The following PTPRT variants were observed in gnomAD, a reference collection of about 807,000 sequenced individuals.
PTPRT encodes protein tyrosine phosphatase receptor type T.
In PTPRT, 56 loss-of-function variants were observed where a neutral mutation model predicts 176.8. The ratio of observed to expected loss-of-function variants is 0.32; its 90% CI spans 0.26 to 0.40. The LOEUF is 0.40. Among genes scored for constraint, PTPRT ranks in the 10% least tolerant of loss-of-function variants. PTPRT has a pLI of 1.00. For synonymous variants in PTPRT, 783 were observed against 739.0 expected, an observed-to-expected ratio of 1.06 and a Z score of -0.96; for missense variants, 1,540 against 1,908.2, an observed-to-expected ratio of 0.81 and a Z score of 3.60.
intron 13 of PTPRT, chr20:42,270,533 G>A (rs1026269095): frequency 1.3e-5 from 17 of 1,308,674 alleles, no homozygotes; most frequent in African/African-American, 4.4e-5. Flanking sequence ...CGTGCAGCAC[G>A]GTGAACAAAA....
At chr20:42,693,696 T>G (rs530547008) in intron 6 of PTPRT, among the ~76,000 whole-genome samples, 1 of 152,294 alleles carries the variant, frequency 6.6e-6, no homozygotes, top group East Asian at 1.9e-4. Flanking sequence ...TACTTTATAC[T>G]ATAAACAAAG....
intron 7 of PTPRT, among the ~76,000 whole-genome samples, chr20:42,502,204 A>G (rs1198637569): frequency 6.6e-6 from 1 of 152,078 alleles, no homozygotes; most frequent in Non-Finnish European, 1.5e-5. Context: ...TTTAATAGGA[A>G]TCATTTCATA....
At chr20:43,179,235 C>T (rs2015190936) in intron 1 of PTPRT, among the ~76,000 whole-genome samples, 1 of 152,172 alleles carries the variant, frequency 6.6e-6, no homozygotes, top group Non-Finnish European at 1.5e-5. Flanking sequence ...GCCACAACAA[C>T]CAAAACCAAG....
chr20:42,789,026 C>A (rs924069063), intron 3 of PTPRT, among the ~76,000 whole-genome samples: 1 of 152,174 alleles, frequency 6.6e-6, no homozygotes, highest in Non-Finnish European at 1.5e-5. Flanking sequence ...AAAACTGATA[C>A]CCAATTCACT....
At chr20:42,192,585 G>T (rs1991043307) in intron 16 of PTPRT, among the ~76,000 whole-genome samples, 1 of 152,150 alleles carries the variant, frequency 6.6e-6, no homozygotes, top group African/African-American at 2.4e-5. Flanking sequence ...ACCTCTTAAG[G>T]TGACTGTGTG....
intron 7 of PTPRT, among the ~76,000 whole-genome samples, chr20:42,554,769 G>A (rs2072831222): frequency 6.6e-6 from 1 of 152,112 alleles, no homozygotes; most frequent in Non-Finnish European, 1.5e-5. Context: ...GGTCAAATTT[G>A]TGCTCAAGTG....
intron 9 of PTPRT, among the ~76,000 whole-genome samples, chr20:42,421,264 GCACACACACACACGCATGCACACA>G (rs1393740986): frequency 8.5e-6 from 1 of 117,636 alleles, no homozygotes; most frequent in Non-Finnish European, 1.7e-5. Context: ...ACGCACGCAC[GCACACACACACACGCATGCACACA>G]CACACACACT....
At position 42,600,949 on chromosome 20, in the gene PTPRT, T is replaced by C. The variant is rs142863823; in HGVS notation, c.1153+76917A>G. On this transcript the variant is annotated intron_variant, in intron 7 of 30. Coordinates refer to ENST00000373187, the MANE Select transcript of PTPRT (RefSeq NM_007050.6). ...CACCTCCTGGCAATCTTCAACCCCT[T>C]TCTAACAGGGTGGGTTTGGATCCCT... Among the ~76,000 whole-genome samples, 247 of 152,280 alleles carry C rather than the reference T, an allele frequency of 1.6e-3. 1 individual carries two copies. Among genetic ancestry groups the C allele is most frequent in the African/African-American group, 4.6e-3 (192 of 41,552 alleles).
chr20:43,009,858 C>T (rs779605346), intron 1 of PTPRT, among the ~76,000 whole-genome samples: 9 of 152,230 alleles, frequency 5.9e-5, no homozygotes, highest in Admixed American at 2.0e-4. Flanking sequence ...TTTAGTCGAG[C>T]GGAGCAGAGA....
At chr20:42,173,807 T>C (rs575360975) in intron 16 of PTPRT, among the ~76,000 whole-genome samples, 8 of 152,322 alleles carry the variant, frequency 5.3e-5, no homozygotes, top group African/African-American at 1.9e-4. Flanking sequence ...TCACTGGAAA[T>C]ATAAGCCCTT....
chr20:43,083,355 T>TATACATATATATATATATATATATAC (rs1440052850), intron 1 of PTPRT, among the ~76,000 whole-genome samples: 2 of 127,322 alleles, frequency 1.6e-5, no homozygotes, highest in African/African-American at 3.1e-5. Flanking sequence ...TATATATATA[T>TATACATATATATATATATATATATAC]ATATATATAT....
At chr20:42,713,514 C>A (rs2076177252) in intron 6 of PTPRT, among the ~76,000 whole-genome samples, 1 of 152,112 alleles carries the variant, frequency 6.6e-6, no homozygotes, top group Non-Finnish European at 1.5e-5. Context: ...TCCTATCATC[C>A]ATTGCTCTTC....
chr20:42,799,789 C>G (rs146340522), intron 2 of PTPRT, among the ~76,000 whole-genome samples: 1 of 152,166 alleles, frequency 6.6e-6, no homozygotes, highest in African/African-American at 2.4e-5. Flanking sequence ...TGTTTCTTCA[C>G]GTGCAAAACA....
the PTPRT span, among the ~76,000 whole-genome samples, chr20:42,052,341 A>G: frequency 6.6e-6 from 1 of 152,168 alleles, no homozygotes; most frequent in Non-Finnish European, 1.5e-5. Context: ...CTGATAAGGC[A>G]GGTAGCTGCA....
chr20:42,355,209 C>T lies in PTPRT; in HGVS notation c.1561-2924G>A, dbSNP rs920445394. Among the ~76,000 whole-genome samples the T allele has an allele frequency of 8.5e-5, 13 of 152,204 alleles. No individual in the cohort carries two copies. In the South Asian group the frequency reaches 2.5e-3, roughly 29 times the overall value. On this transcript the variant is annotated intron_variant, in intron 9 of 30. Transcript: ENST00000373187. The stretch of plus-strand genomic sequence containing the variant: ...CCCTTCCTTATACCCCTGCAAGCTC[C>T]CCCTCCTTGGTATTCCTGCAGCATC...
chr20:42,173,182 A>AT (rs1402089435), intron 16 of PTPRT, among the ~76,000 whole-genome samples: 15 of 152,176 alleles, frequency 9.9e-5, no homozygotes, highest in Admixed American at 9.8e-4. Context: ...CATCTGGTCT[A>AT]GAGAGGAAGC....
chr20:42,313,303 T>C (rs2057664515), intron 12 of PTPRT, among the ~76,000 whole-genome samples: 1 of 152,170 alleles, frequency 6.6e-6, no homozygotes, highest in Non-Finnish European at 1.5e-5. Flanking sequence ...GTCTATGAAG[T>C]AGCCATTCTT....
intron 7 of PTPRT, among the ~76,000 whole-genome samples, chr20:42,499,759 A>G (rs1178182883): frequency 6.6e-6 from 1 of 152,164 alleles, no homozygotes; most frequent in Non-Finnish European, 1.5e-5. Context: ...CTCCAACAAG[A>G]TGTCCAATAT....
intron 1 of PTPRT, among the ~76,000 whole-genome samples, chr20:42,926,889 T>A (rs541697071): frequency 5.3e-5 from 8 of 152,144 alleles, no homozygotes; most frequent in Non-Finnish European, 1.0e-4. Flanking sequence ...TTATTACTGA[T>A]GGAGCAGCCA....
Sources: gnomAD v4.1 joint callset for allele counts (sites outside exome capture counted in the v4.1 genomes callset) on GRCh38, gnomAD v4.1.1 for gene constraint, MANE v1.5 for transcripts, NCBI Gene and HGNC (gene_info 2026-07-23, HGNC 2026-07-21) for gene names.